GALNTL6: variants seen among roughly 807,000 people sequenced by gnomAD.
The protein encoded by GALNTL6 is polypeptide N-acetylgalactosaminyltransferase like 6.
Under a neutral mutation model 73.7 loss-of-function variants are expected in GALNTL6, and 46 were observed. That is an observed-to-expected ratio of 0.62 (90% confidence interval 0.49 to 0.80). The LOEUF is 0.80. Ranked by LOEUF, GALNTL6 falls within the 30% of genes least tolerant of loss-of-function variation. GALNTL6 has a pLI of 0.00. For synonymous variants in GALNTL6, 259 were observed against 263.7 expected, an observed-to-expected ratio of 0.98 and a Z score of 0.17; for missense variants, 604 against 755.0, an observed-to-expected ratio of 0.80 and a Z score of 2.34.
chr4:172,064,321 C>A (rs1001610254), intron 2 of GALNTL6, among the ~76,000 whole-genome samples: 19 of 152,118 alleles, frequency 1.2e-4, no homozygotes, highest in Non-Finnish European at 2.4e-4. Context: ...GCCTTTGGTG[C>A]CCATACTGCT....
intron 2 of GALNTL6, among the ~76,000 whole-genome samples, chr4:172,123,749 T>A (rs868400529): frequency 1.3e-5 from 2 of 152,122 alleles, no homozygotes; most frequent in South Asian, 2.1e-4. Context: ...TCCACCCACC[T>A]CAGCCTCCCA....
rs556361776 is a variant in GALNTL6 at position 172,180,146 on chromosome 4, C to T, written c.139-49510C>T. Among the ~76,000 whole-genome samples, 82 of 152,182 alleles carry T rather than the reference C, an allele frequency of 5.4e-4. 1 individual carries two copies. The highest frequency in any genetic ancestry group is 5.2e-3 in the South Asian group (25 of 4,818). On this transcript the variant is annotated intron_variant, in intron 2 of 12. Transcript: ENST00000506823. ...TTTTAATGATTGCCATTCTAACTGG[C>T]GTGAGATGGTATCTCATTGTGGCTT...
intron 2 of GALNTL6, among the ~76,000 whole-genome samples, chr4:171,951,253 T>G (rs1270645881): frequency 1.3e-5 from 2 of 151,992 alleles, no homozygotes; most frequent in African/African-American, 4.8e-5. Flanking sequence ...AAATAGACAT[T>G]GGGGCAAAAA....
chr4:172,727,874 TG>T lies in GALNTL6; in HGVS notation c.554-81486del, dbSNP rs1417204374. Among the ~76,000 whole-genome samples the T allele has an allele frequency of 1.8e-4, 28 of 152,076 alleles. 1 individual carries two copies. The highest frequency in any genetic ancestry group is 8.3e-4 in the South Asian group (4 of 4,826). ...TTAAAAATATTTTTCTTCTTTTTAT[TG>T]TTTTTTTATTGAGGTAAAAAATACC... is the stretch of plus-strand genomic sequence containing the variant. On this transcript the variant is annotated intron_variant, in intron 5 of 12. Coordinates refer to ENST00000506823, the MANE Select transcript of GALNTL6 (RefSeq NM_001034845.3).
At chr4:172,886,267 A>G (rs1193309533) in intron 8 of GALNTL6, among the ~76,000 whole-genome samples, 1 of 152,004 alleles carries the variant, frequency 6.6e-6, no homozygotes, top group Non-Finnish European at 1.5e-5. Flanking sequence ...TTCAATCTTC[A>G]TAGGTTGTGT....
intron 5 of GALNTL6, among the ~76,000 whole-genome samples, chr4:172,354,090 A>G (rs1387520584): frequency 3.3e-5 from 5 of 152,106 alleles, no homozygotes; most frequent in Non-Finnish European, 5.9e-5. Flanking sequence ...TACAATACTA[A>G]CACTAAAGTG....
intron 2 of GALNTL6, among the ~76,000 whole-genome samples, chr4:172,174,270 G>GA (rs1203266517): frequency 1.3e-5 from 2 of 152,018 alleles, no homozygotes; most frequent in African/African-American, 2.4e-5. Flanking sequence ...AATGTGAGGT[G>GA]AAAAAAAGAA....
intron 3 of GALNTL6, among the ~76,000 whole-genome samples, chr4:172,259,418 A>G (rs1459177107): frequency 6.9e-6 from 1 of 144,678 alleles, no homozygotes; most frequent in Non-Finnish European, 1.5e-5. Flanking sequence ...ATAATTTTCT[A>G]TTCATGTCTT....
chr4:172,263,427 C>A (rs1263664491), intron 3 of GALNTL6, among the ~76,000 whole-genome samples: 1 of 151,342 alleles, frequency 6.6e-6, no homozygotes, highest in African/African-American at 2.4e-5. Context: ...CTTTCCAGTG[C>A]AGTTTGCATT....
At position 172,042,732 on chromosome 4, in the gene GALNTL6, CTCTT is replaced by C. The variant is rs1012446169; in HGVS notation, c.139-186916_139-186913del. ...CTGCCACCTTCCTTAACTCATCTCT[CTCTT>C]TCTTTCTGTCTTTCTCTGACTATTC... On this transcript the variant is annotated intron_variant, in intron 2 of 12. Transcript: ENST00000506823. Among the ~76,000 whole-genome samples, 15 of 151,808 alleles carry C rather than the reference CTCTT, an allele frequency of 9.9e-5. No individual in the cohort carries two copies. The South Asian group carries it at 1.7e-3, about 17-fold the overall frequency.
At chr4:171,948,357 T>C (rs1738766271) in intron 2 of GALNTL6, among the ~76,000 whole-genome samples, 1 of 152,144 alleles carries the variant, frequency 6.6e-6, no homozygotes, top group Non-Finnish European at 1.5e-5. Flanking sequence ...CTGTAATAAG[T>C]AGTATATAAA....
intron 2 of GALNTL6, among the ~76,000 whole-genome samples, chr4:171,954,561 G>T (rs1204229851): frequency 6.6e-6 from 1 of 152,230 alleles, no homozygotes; most frequent in East Asian, 1.9e-4. Context: ...AAGTGGGGAA[G>T]AGATTATAGA....
intron 3 of GALNTL6, among the ~76,000 whole-genome samples, chr4:172,270,729 T>TGATAGATAGAGAGATAGATA (rs1738614686): frequency 6.6e-6 from 1 of 151,582 alleles, no homozygotes; most frequent in Non-Finnish European, 1.5e-5. Context: ...GGTAGGTAGA[T>TGATAGATAGAGAGATAGATA]GATAGATAGA....
chr4:172,827,874 T>C (rs1742353549), intron 7 of GALNTL6, among the ~76,000 whole-genome samples: 2 of 152,130 alleles, frequency 1.3e-5, no homozygotes, highest in Non-Finnish European at 2.9e-5. Context: ...AAGTTTTTTT[T>C]CACTGCATTC....
At chr4:172,205,065 T>C (rs1736063777) in intron 2 of GALNTL6, among the ~76,000 whole-genome samples, 1 of 152,228 alleles carries the variant, frequency 6.6e-6, no homozygotes, top group African/African-American at 2.4e-5. Flanking sequence ...AATGTGCATA[T>C]TCAGCTAATT....
intron 5 of GALNTL6, among the ~76,000 whole-genome samples, chr4:172,661,830 C>T (rs529789747): frequency 9.9e-5 from 15 of 152,276 alleles, no homozygotes; most frequent in African/African-American, 3.4e-4. Flanking sequence ...TTATTGAACA[C>T]CCTTATCACA....
chr4:172,898,596 A>G (rs1746459608), intron 8 of GALNTL6, among the ~76,000 whole-genome samples: 1 of 152,150 alleles, frequency 6.6e-6, no homozygotes, highest in Non-Finnish European at 1.5e-5. Context: ...AATTACTTCT[A>G]TTATAAAATC....
chr4:172,964,799 G>T lies in GALNTL6; in HGVS notation c.1371+12541G>T, dbSNP rs184194818. 3.9e-5 allele frequency among the ~76,000 whole-genome samples: 6 copies of T among 152,350 alleles called. No homozygotes were observed. In the East Asian group the frequency reaches 1.2e-3, roughly 29 times the overall value. Reference sequence around the variant, plus strand: ...AGGATGCGATGTTGTCTCTTTCAAAGAAATTCTGTGTGAGTGCTGCTGATG... The same window carrying T: ...AGGATGCGATGTTGTCTCTTTCAAATAAATTCTGTGTGAGTGCTGCTGATG... On this transcript the variant is annotated intron_variant, in intron 10 of 12. Coordinates refer to ENST00000506823, the MANE Select transcript of GALNTL6 (RefSeq NM_001034845.3).
chr4:172,066,445 C>G (rs1566950), intron 2 of GALNTL6, among the ~76,000 whole-genome samples: 1 of 151,714 alleles, frequency 6.6e-6, no homozygotes, highest in Non-Finnish European at 1.5e-5. Context: ...TAAGATAAAT[C>G]TCAAAGCAGC....
Sources: allele counts gnomAD v4.1 joint callset (sites outside exome capture counted in the v4.1 genomes callset), GRCh38; gene constraint gnomAD v4.1.1; transcripts MANE v1.5; gene names NCBI Gene and HGNC (gene_info 2026-07-23, HGNC 2026-07-21).